The following UBN1 variants were observed in gnomAD, a reference collection of about 807,000 sequenced individuals.
UBN1 encodes ubinuclein-1.
A neutral mutation model predicts 108.5 loss-of-function variants in UBN1; 17 were observed. The observed-to-expected ratio is 0.16, with a 90% CI of 0.11 to 0.24. UBN1 has a LOEUF of 0.24. Among genes scored for constraint, UBN1 ranks in the 10% least tolerant of loss-of-function variants. The pLI is 1.00. For missense variants in UBN1, 1,595 were observed against 1,394.4 expected (o/e 1.14, Z -2.29); for synonymous variants, 726 against 564.2 (o/e 1.29, Z -4.07).
intron 4 of UBN1, 40 bp from the exon 5 acceptor site, chr16:4,858,985 A>G (rs1384218146): frequency 5.0e-6 from 8 of 1,605,922 alleles, no homozygotes; most frequent in Non-Finnish European, 6.8e-6. Context: ...CGGACTGCAG[A>G]AGCAGAACTT....
chr16:4,862,104 A>C (rs1459449196), intron 7 of UBN1, among the ~76,000 whole-genome samples: 1 of 152,242 alleles, frequency 6.6e-6, no homozygotes, highest in Non-Finnish European at 1.5e-5. Context: ...CCTTTAAGTT[A>C]AAATAACATT....
intron 1 of UBN1, among the ~76,000 whole-genome samples, chr16:4,850,197 C>G (rs977894664): frequency 2.0e-5 from 3 of 152,026 alleles, no homozygotes; most frequent in African/African-American, 7.2e-5. Context: ...TAAAACAACC[C>G]CAAATCTAAG....
chr16:4,868,627 A>G (rs1051966301), intron 7 of UBN1, among the ~76,000 whole-genome samples: 1 of 152,236 alleles, frequency 6.6e-6, no homozygotes, highest in Non-Finnish European at 1.5e-5. Flanking sequence ...AAGAACTGGC[A>G]GCCCACAGAT....
Position 4,873,035 on chromosome 16 carries a change from A to C in UBN1, c.1762A>C (p.Lys588Gln). The C allele has an allele frequency of 6.2e-7, 1 of 1,614,212 alleles. No homozygotes were observed. Among genetic ancestry groups the C allele is most frequent in the East Asian group, 2.2e-5 (1 of 44,880 alleles). ...TGTGCTCATTCCTTTGAACAGGGCC[A>C]AGAAGAAAGTTATGGCCCCTTCTAA... is the stretch of plus-strand genomic sequence containing the variant. ...GHGHLTSILA[K>Q]KKVMAPSKIK... Residue 588 changes from lysine (K) to glutamine (Q), a missense_variant, in exon 14 of 18, where the codon AAG (lysine) becomes CAG (glutamine). By Grantham distance (53) the Lys-to-Gln change is moderately conservative. Transcript: ENST00000262376.
chr16:4,870,392 G>A (rs756281679), intron 9 of UBN1, 51 bp downstream of exon 9: 2 of 1,611,564 alleles, frequency 1.2e-6, no homozygotes, highest in Non-Finnish European at 8.5e-7. Context: ...TGGCGGAGGG[G>A]TGACTGAGTC....
chr16:4,878,413 T>C (rs2087979726), intron 17 of UBN1, among the ~76,000 whole-genome samples: 1 of 152,092 alleles, frequency 6.6e-6, no homozygotes, highest in Non-Finnish European at 1.5e-5. Flanking sequence ...GTGCTGCACG[T>C]CTCCCAAGTT....
Position 4,877,812 on chromosome 16 carries a change from AAG to A in UBN1, c.3355+339_3355+340del. The A allele has an allele frequency of 1.9e-6, 2 of 1,040,314 alleles. No individual in the cohort carries two copies. Among genetic ancestry groups the A allele is most frequent in the Non-Finnish European group, 2.3e-6 (2 of 866,516 alleles). 64.4% of individuals were successfully genotyped at this position (1,040,314 alleles called of 1,614,324 possible). The stretch of plus-strand genomic sequence containing the variant: ...TCTCTTCAGTTTAAAAAAAAAAAAA[AAG>A]GGAAGGTAATGGTGCATCTTCTCCA... On this transcript the variant is annotated intron_variant, in intron 17 of 17. Coordinates refer to ENST00000262376, the MANE Select transcript of UBN1 (RefSeq NM_001079514.3). The surrounding 1 kb of genome is among the most constrained non-coding windows in gnomAD (Gnocchi z 4.3).
At chr16:4,878,849 T>G (rs2087994605) in intron 17 of UBN1, among the ~76,000 whole-genome samples, 1 of 152,016 alleles carries the variant, frequency 6.6e-6, no homozygotes, top group African/African-American at 2.4e-5. Context: ...TATCTCTACA[T>G]TTAAAGAAAA....
At chr16:4,849,095 T>G (rs2086384506) in intron 1 of UBN1, among the ~76,000 whole-genome samples, 1 of 152,216 alleles carries the variant, frequency 6.6e-6, no homozygotes, top group East Asian at 1.9e-4. Flanking sequence ...CGAGCGAGAC[T>G]CGTCCCCCCG....
chr16:4,853,302 C>G, intron 2 of UBN1, 136 bp downstream of exon 2: 1 of 1,236,364 alleles, frequency 8.1e-7, no homozygotes, highest in Non-Finnish European at 1.1e-6. Flanking sequence ...TCACTCAAGG[C>G]AAGCACAAGA....
Position 4,870,625 on chromosome 16 carries a change from A to G in UBN1, c.1421A>G (p.Lys474Arg). The G allele has an allele frequency of 6.2e-7, 1 of 1,614,102 alleles. No individual in the cohort carries two copies. Residue 474 changes from lysine to arginine, a missense_variant, in exon 10 of 18, where the codon AAG (lysine) becomes AGG (arginine). Lys to Arg is a conservative substitution (Grantham distance 26, BLOSUM62 2). Coordinates refer to ENST00000262376, the MANE Select transcript of UBN1 (RefSeq NM_001079514.3). ...QDECQAHTQA[K>R]VAKMLEEEKD... is the part of the protein sequence containing the mutation. ...GAATGCCAGGCACACACGCAGGCAA[A>G]GGTTGCCAAGTAAGTTTGTCCTGGC... is the stretch of plus-strand genomic sequence containing the variant.
intron 7 of UBN1, among the ~76,000 whole-genome samples, chr16:4,863,835 C>A (rs1053881001): frequency 6.6e-6 from 1 of 152,266 alleles, no homozygotes; most frequent in Non-Finnish European, 1.5e-5. Context: ...TTTCATCCTG[C>A]CTTCTTCAGG....
At chr16:4,871,021 GTC>G in intron 11 of UBN1, 49 bp downstream of exon 11, 1 of 1,609,890 alleles carries the variant, frequency 6.2e-7, no homozygotes, top group Non-Finnish European at 8.5e-7. Flanking sequence ...GTGGGGCAGT[GTC>G]TGAGCACGTC....
rs1022612782 is a variant in UBN1, at chr16:4,877,753, G to T, written c.3355+279G>T. 2 of 1,174,562 alleles carry T rather than the reference G, an allele frequency of 1.7e-6. No homozygotes were observed. Among genetic ancestry groups the T allele is most frequent in the Admixed American group, 4.6e-5 (1 of 21,638 alleles). The allele number at this position is 1,174,562 out of a possible 1,614,324, so 72.8% of individuals were successfully genotyped here. A position where few individuals can be genotyped will look rare whatever the true frequency, so the allele number is the denominator to read the frequency against. On this transcript the variant is annotated intron_variant, in intron 17 of 17. Coordinates refer to ENST00000262376, the MANE Select transcript of UBN1 (RefSeq NM_001079514.3). This position sits in a 1 kb window ranked among gnomAD's most constrained non-coding sequence, Gnocchi z 4.3. ...GGCAGGGTGGTGCGCTTTTGTGTGC[G>T]GTGGAGGAGTTCCTAACCCTCGGCT...
chr16:4,881,749 A>G lies in UBN1; in HGVS notation c.*1617A>G, dbSNP rs149705792. ...TGGATTCCTTATCCCTTTGTTATAT[A>G]TATTTTTTGCAACTTGGATTTCCAG... On this transcript the variant is annotated 3_prime_UTR_variant, in exon 18 of 18. Coordinates refer to ENST00000262376, the MANE Select transcript of UBN1 (RefSeq NM_001079514.3). 1.3e-5 allele frequency: 2 copies of G among 152,460 alleles called. No individual in the cohort carries two copies. The highest frequency in any genetic ancestry group is 2.9e-5 in the Non-Finnish European group (2 of 68,022). The allele number at this position is 152,460 out of a possible 1,614,324, so 9.4% of individuals were successfully genotyped here. A position where few individuals can be genotyped will look rare whatever the true frequency, so the allele number is the denominator to read the frequency against.
chr16:4,862,797 T>G (rs1451361528), intron 7 of UBN1, among the ~76,000 whole-genome samples: 2 of 152,222 alleles, frequency 1.3e-5, no homozygotes, highest in Admixed American at 1.3e-4. Flanking sequence ...TGTTGGGCTG[T>G]GGTGCAAGAA....
In UBN1 at chr16:4,860,750, A is replaced by C. The variant is rs776460189; in HGVS notation, c.758A>C (p.Gln253Pro). The change falls in exon 7 of 18, where the codon CAG (glutamine) becomes CCG (proline). Residue 253 changes from glutamine (Q) to proline (P), a missense_variant. By Grantham distance (76) the Gln-to-Pro change is moderately conservative (BLOSUM62 -1). Around this residue, in one of 3 missense-constraint regions of UBN1, gnomAD observed 1,398 missense variants for 1,194.7 expected, o/e 1.17. Transcript: ENST00000262376. Reference protein sequence around the residue: ...LSVKEMLKKFQKEKEAQKKRE... With the variant: ...LSVKEMLKKFPKEKEAQKKRE... ...GTTAAAGAGATGCTAAAGAAATTTC[A>C]GAAAGAGAAAGAGGCTCAGAAAAAA... The C allele has an allele frequency of 1.9e-6, 3 of 1,614,162 alleles. 1 individual carries two copies. In the African/African-American group the frequency reaches 4.0e-5, roughly 22 times the overall value.
chr16:4,868,427 G>T (rs903329513), intron 7 of UBN1, among the ~76,000 whole-genome samples: 1 of 152,206 alleles, frequency 6.6e-6, no homozygotes, highest in African/African-American at 2.4e-5. Context: ...AGATAAAAAG[G>T]CCTTTAAATC....
At chr16:4,878,657 C>G (rs2087987717) in intron 17 of UBN1, among the ~76,000 whole-genome samples, 1 of 152,148 alleles carries the variant, frequency 6.6e-6, no homozygotes, top group African/African-American at 2.4e-5. Flanking sequence ...GAGCAGGGGT[C>G]TTTCCAAAGT....
Sources: allele counts gnomAD v4.1 joint callset (sites outside exome capture counted in the v4.1 genomes callset), GRCh38; gene constraint gnomAD v4.1.1; regional missense constraint gnomAD v4.1.1; non-coding constraint Gnocchi (gnomAD v3.1); transcripts MANE v1.5; gene names NCBI Gene and HGNC (gene_info 2026-07-23, HGNC 2026-07-21).